OR7G1: variants seen among roughly 807,000 people sequenced by gnomAD.
OR7G1 encodes the protein olfactory receptor 7G1.
For missense variants in OR7G1, 385 were observed against 365.6 expected, an observed-to-expected ratio of 1.05 and a Z score of -0.43; for synonymous variants, 142 against 138.5, an observed-to-expected ratio of 1.02 and a Z score of -0.18.
chr19:9,115,535 T>C lies in OR7G1; in HGVS notation c.229A>G (p.Thr77Ala). ...ATGTTCACTAGGATCTTTGGGACTG[T>C]GGTTGTGGTTAAACAGATGTCAGTA... ...SFTDICLTTT[T>A]VPKILVNIQA... The change falls in exon 1 of 1, where the codon ACA becomes GCA. Residue 77 changes from threonine to alanine, a missense_variant. Thr to Ala is a moderately conservative substitution (Grantham distance 58). Coordinates refer to ENST00000541538, the MANE Select transcript of OR7G1 (RefSeq NM_001005192.2). The C allele has an allele frequency of 6.2e-7, 1 of 1,614,064 alleles. No homozygotes were observed. Among genetic ancestry groups the C allele is most frequent in the Non-Finnish European group, 8.5e-7 (1 of 1,179,956 alleles).
At position 9,115,060 on chromosome 19, in the gene OR7G1, T is replaced by A; in HGVS notation, c.704A>T (p.Tyr235Phe). Reference sequence around the variant, plus strand: ...ACAGCCACAGGTGGAAAACGCTTTATACTTTCCTCTTGCTGATGGCATTCT... The same window carrying A: ...ACAGCCACAGGTGGAAAACGCTTTAAACTTTCCTCTTGCTGATGGCATTCT... Reference protein sequence around the residue: ...VLRMPSARGKYKAFSTCGCHL... With the variant: ...VLRMPSARGKFKAFSTCGCHL... Residue 235 changes from tyrosine to phenylalanine, a missense_variant, in exon 1 of 1, where the codon TAT becomes TTT. Tyr to Phe is a conservative substitution (Grantham distance 22). Coordinates refer to ENST00000541538, the MANE Select transcript of OR7G1 (RefSeq NM_001005192.2). The A allele has an allele frequency of 6.2e-7, 1 of 1,614,112 alleles. No individual in the cohort carries two copies. Among genetic ancestry groups the A allele is most frequent in the Non-Finnish European group, 8.5e-7 (1 of 1,179,928 alleles).
chr19:9,114,938 C>CT lies in OR7G1; in HGVS notation c.825dup (p.Val276SerfsTer20). 2.5e-6 allele frequency: 4 copies of CT among 1,613,554 alleles called. No individual in the cohort carries two copies. The highest frequency in any genetic ancestry group is 3.4e-6 in the Non-Finnish European group (4 of 1,179,522). ...ATTTGAGGGACCACAGTGTACATCA[C>CT]TGAAGCCACAGCAGTAATTCGGGAA... is the stretch of plus-strand genomic sequence containing the variant. On this transcript the variant is annotated frameshift_variant, in exon 1 of 1. Transcript: ENST00000541538. LOFTEE classifies it low-confidence loss of function (END_TRUNC).
Position 9,115,757 on chromosome 19 carries a change from G to C in OR7G1, c.7C>G (p.Pro3Ala), listed in dbSNP as rs750890816. 6.6e-7 allele frequency: 1 copy of C among 1,525,136 alleles called. No individual in the cohort carries two copies. The highest frequency in any genetic ancestry group is 2.3e-5 in the East Asian group (1 of 43,986). 94.5% of individuals were successfully genotyped at this position (1,525,136 alleles called of 1,614,324 possible). A position where few individuals can be genotyped will look rare whatever the true frequency, so the allele number is the denominator to read the frequency against. The change falls in exon 1 of 1, where the codon CCC becomes GCC. Residue 3 changes from proline to alanine, a missense_variant. Transcript: ENST00000541538. Reference sequence around the variant, plus strand: ...TCTGAAACAGCTGTTTGGTTTCTGGGTCCCATGTTTTTGATGATCAAAAAA... The same window carrying C: ...TCTGAAACAGCTGTTTGGTTTCTGGCTCCCATGTTTTTGATGATCAAAAAA... MG[P>A]RNQTAVSEFL...
chr19:9,114,958 C>T lies in OR7G1; in HGVS notation c.806G>A (p.Arg269Gln), dbSNP rs769414989. The change falls in exon 1 of 1, where the codon CGA becomes CAA. Residue 269 changes from arginine to glutamine, a missense_variant. Transcript: ENST00000541538. ...CATCACTGAAGCCACAGCAGTAATT[C>T]GGGAAGACTCAGCAACAGCAGAACT... is the stretch of plus-strand genomic sequence containing the variant. ...YISSAVAESS[R>Q]ITAVASVMYT... 7.9e-5 allele frequency: 127 copies of T among 1,613,966 alleles called. No homozygotes were observed. Among genetic ancestry groups the T allele is most frequent in the Non-Finnish European group, 1.0e-4 (122 of 1,179,914 alleles).
rs751434005 is a variant in OR7G1, at chr19:9,115,711, G to T, written c.53C>A (p.Thr18Lys). 6.4e-7 allele frequency: 1 copy of T among 1,566,116 alleles called. No homozygotes were observed. Among genetic ancestry groups the T allele is most frequent in the Non-Finnish European group, 8.7e-7 (1 of 1,155,122 alleles). Residue 18 changes from threonine (T) to lysine (K), a missense_variant, in exon 1 of 1, where the codon ACA (threonine) becomes AAA (lysine). Coordinates refer to ENST00000541538, the MANE Select transcript of OR7G1 (RefSeq NM_001005192.2). ...GATTAACTTCAGTTCTGGGTCCTCT[G>T]TCACTTTCATGAGAAGAAATTCTGA... The part of the protein sequence containing the change: ...AVSEFLLMKV[T>K]EDPELKLIPF...
Position 9,114,975 on chromosome 19 carries a change from A to G in OR7G1, c.789T>C (p.Ala263=). Reference sequence around the variant, plus strand: ...CAGTAATTCGGGAAGACTCAGCAACAGCAGAACTAATGTACACCCCAAAAG... The same window carrying G: ...CAGTAATTCGGGAAGACTCAGCAACGGCAGAACTAATGTACACCCCAAAAG... The part of the protein sequence containing the change: ...GTAFGVYISS[A]VAESSRITAV... Residue 263 remains alanine, a synonymous_variant, in exon 1 of 1, where the codon GCT becomes GCC. Transcript: ENST00000541538. 1.9e-6 allele frequency: 3 copies of G among 1,614,190 alleles called. No individual in the cohort carries two copies. Among genetic ancestry groups the G allele is most frequent in the Non-Finnish European group, 2.5e-6 (3 of 1,180,030 alleles).
In OR7G1 at chr19:9,115,473, G is replaced by A; in HGVS notation, c.291C>T (p.Cys97=). The change falls in exon 1 of 1, where the codon TGC becomes TGT. Residue 97 remains cysteine, a synonymous_variant. Transcript: ENST00000541538. The part of the protein sequence containing the change: ...AQNQSITYTG[C]LTQICLVLVF... ...CCAAGACAAGACAGATCTGGGTGAG[G>A]CAGCCTGTGTAAGTGATACTCTGAT... The A allele has an allele frequency of 6.2e-7, 1 of 1,614,038 alleles. No homozygotes were observed. Among genetic ancestry groups the A allele is most frequent in the Non-Finnish European group, 8.5e-7 (1 of 1,180,052 alleles).
In OR7G1 at chr19:9,115,179, G is replaced by T; in HGVS notation, c.585C>A (p.Asn195Lys). The T allele has an allele frequency of 1.2e-6, 2 of 1,613,968 alleles. No individual in the cohort carries two copies. Among genetic ancestry groups the T allele is most frequent in the African/African-American group, 1.3e-5 (1 of 75,042 alleles). Residue 195 changes from asparagine (N) to lysine (K), a missense_variant, in exon 1 of 1, where the codon AAC becomes AAA. Coordinates refer to ENST00000541538, the MANE Select transcript of OR7G1 (RefSeq NM_001005192.2). ...IKLACSDTLINNILIYFASSV... is the reference protein window; with the variant it reads ...IKLACSDTLIKNILIYFASSV... ...TACTTGCAAAATATATGAGGATGTT[G>T]TTGATGAGGGTGTCAGAACAGGCGA...
Position 9,115,490 on chromosome 19 carries a change from T to C in OR7G1, c.274A>G (p.Ile92Val), listed in dbSNP as rs1448813134. 6.2e-7 allele frequency: 1 copy of C among 1,614,230 alleles called. No individual in the cohort carries two copies. The highest frequency in any genetic ancestry group is 1.7e-5 in the Admixed American group (1 of 60,022). The change falls in exon 1 of 1, where the codon ATC becomes GTC. Residue 92 changes from isoleucine (I) to valine (V), a missense_variant. By Grantham distance (29) the Ile-to-Val change is conservative (BLOSUM62 3). Transcript: ENST00000541538. Reference sequence around the variant, plus strand: ...TGGGTGAGGCAGCCTGTGTAAGTGATACTCTGATTCTGAGCTTGGATGTTC... The same window carrying C: ...TGGGTGAGGCAGCCTGTGTAAGTGACACTCTGATTCTGAGCTTGGATGTTC... Reference protein sequence around the residue: ...LVNIQAQNQSITYTGCLTQIC... With the variant: ...LVNIQAQNQSVTYTGCLTQIC...
At position 9,115,596 on chromosome 19, in the gene OR7G1, G is replaced by T. The variant is rs776148003; in HGVS notation, c.168C>A (p.His56Gln). The T allele has an allele frequency of 6.2e-7, 1 of 1,614,158 alleles. No homozygotes were observed. The highest frequency in any genetic ancestry group is 8.5e-7 in the Non-Finnish European group (1 of 1,180,018). Residue 56 changes from histidine (H) to glutamine (Q), a missense_variant, in exon 1 of 1, where the codon CAC becomes CAA. Transcript: ENST00000541538. ...TAAAGAGAAGGAAGTACATGGGGGT[G>T]TGGAGGTGGGAGTCAGAGATGACAG... Reference protein sequence around the residue: ...LLAVISDSHLHTPMYFLLFNL... With the variant: ...LLAVISDSHLQTPMYFLLFNL...
In OR7G1 at chr19:9,115,294, A is replaced by G; in HGVS notation, c.470T>C (p.Leu157Pro). ...LSMFMSTMDALVQSLMVLQLS... is the reference protein window; with the variant it reads ...LSMFMSTMDAPVQSLMVLQLS... Reference sequence around the variant, plus strand: ...CTGCAATACCATCAGACTCTGAACCAGGGCATCCATAGTGCTCATGAACAT... The same window carrying G: ...CTGCAATACCATCAGACTCTGAACCGGGGCATCCATAGTGCTCATGAACAT... Residue 157 changes from leucine to proline, a missense_variant, in exon 1 of 1, where the codon CTG becomes CCG. Leu to Pro is a moderately conservative substitution (Grantham distance 98, BLOSUM62 -3). Coordinates refer to ENST00000541538, the MANE Select transcript of OR7G1 (RefSeq NM_001005192.2). 6.2e-7 allele frequency: 1 copy of G among 1,614,160 alleles called. No individual in the cohort carries two copies. Among genetic ancestry groups the G allele is most frequent in the Non-Finnish European group, 8.5e-7 (1 of 1,179,988 alleles).
rs756539891 is a variant in OR7G1, at chr19:9,115,011, G to T, written c.753C>A (p.Phe251Leu). Residue 251 changes from phenylalanine to leucine, a missense_variant, in exon 1 of 1, where the codon TTC (phenylalanine) becomes TTA (leucine). Phe to Leu is a conservative substitution (Grantham distance 22). Transcript: ENST00000541538. Reference sequence around the variant, plus strand: ...TGTACACCCCAAAAGCTGTCCCATAGAACAAGGAAAAAACAGAGAGGTGAC... The same window carrying T: ...TGTACACCCCAAAAGCTGTCCCATATAACAAGGAAAAAACAGAGAGGTGAC... ...CGCHLSVFSL[F>L]YGTAFGVYIS... 3.1e-6 allele frequency: 5 copies of T among 1,613,904 alleles called. No homozygotes were observed. In the South Asian group the frequency reaches 5.5e-5, roughly 18 times the overall value.
Position 9,115,167 on chromosome 19 carries a change from T to C in OR7G1, c.597A>G (p.Ile199Met), listed in dbSNP as rs761560316. 6 of 1,613,988 alleles carry C rather than the reference T, an allele frequency of 3.7e-6. No homozygotes were observed. The highest frequency in any genetic ancestry group is 4.5e-5 in the East Asian group (2 of 44,886). ...CACCAAATACACTACTTGCAAAATA[T>C]ATGAGGATGTTGTTGATGAGGGTGT... The part of the protein sequence containing the change: ...CSDTLINNIL[I>M]YFASSVFGAI... Residue 199 changes from isoleucine to methionine, a missense_variant, in exon 1 of 1, where the codon ATA (isoleucine) becomes ATG (methionine). Transcript: ENST00000541538.
In OR7G1 at chr19:9,115,463, T is replaced by G; in HGVS notation, c.301A>C (p.Ile101Leu). Reference sequence around the variant, plus strand: ...CCAGCAAAAACCAAGACAAGACAGATCTGGGTGAGGCAGCCTGTGTAAGTG... The same window carrying G: ...CCAGCAAAAACCAAGACAAGACAGAGCTGGGTGAGGCAGCCTGTGTAAGTG... ...SITYTGCLTQ[I>L]CLVLVFAGLE... The change falls in exon 1 of 1, where the codon ATC (isoleucine) becomes CTC (leucine). Residue 101 changes from isoleucine (I) to leucine (L), a missense_variant. Transcript: ENST00000541538. 1 of 1,614,008 alleles carries G rather than the reference T, an allele frequency of 6.2e-7. No individual in the cohort carries two copies. Among genetic ancestry groups the G allele is most frequent in the Non-Finnish European group, 8.5e-7 (1 of 1,180,024 alleles).
rs1340112729 is a variant in OR7G1, at chr19:9,115,397, A to G, written c.367T>C (p.Tyr123His). 5.0e-6 allele frequency: 8 copies of G among 1,614,214 alleles called. No individual in the cohort carries two copies. The South Asian group carries it at 7.7e-5, about 16-fold the overall frequency. Reference sequence around the variant, plus strand: ...CTCAGTGGGTGGCAAATGGCCACATAGCGGTCGTAGGCCATGACTGCAAGA... The same window carrying G: ...CTCAGTGGGTGGCAAATGGCCACATGGCGGTCGTAGGCCATGACTGCAAGA... ...CFLAVMAYDRYVAICHPLRYT... is the reference protein window; with the variant it reads ...CFLAVMAYDRHVAICHPLRYT... Residue 123 changes from tyrosine (Y) to histidine (H), a missense_variant, in exon 1 of 1, where the codon TAT becomes CAT. Tyr to His is a moderately conservative substitution (Grantham distance 83). Transcript: ENST00000541538.
chr19:9,115,533 T>C lies in OR7G1; in HGVS notation c.231A>G (p.Thr77=). 2 of 1,614,100 alleles carry C rather than the reference T, an allele frequency of 1.2e-6. No homozygotes were observed. The highest frequency in any genetic ancestry group is 1.7e-6 in the Non-Finnish European group (2 of 1,179,956). ...GGATGTTCACTAGGATCTTTGGGACTGTGGTTGTGGTTAAACAGATGTCAG... is the reference window on the plus strand; with the variant it reads ...GGATGTTCACTAGGATCTTTGGGACCGTGGTTGTGGTTAAACAGATGTCAG... ...SFTDICLTTT[T]VPKILVNIQA... Residue 77 remains threonine, a synonymous_variant, in exon 1 of 1, where the codon ACA becomes ACG. Transcript: ENST00000541538.
chr19:9,115,363 A>G lies in OR7G1; in HGVS notation c.401T>C (p.Val134Ala), dbSNP rs950993891. 6.2e-7 allele frequency: 1 copy of G among 1,614,158 alleles called. No homozygotes were observed. Among genetic ancestry groups the G allele is most frequent in the Non-Finnish European group, 8.5e-7 (1 of 1,180,016 alleles). ...GCCCCAGAAATGGACATTCATGAGG[A>G]CTGTGTACCTCAGTGGGTGGCAAAT... The part of the protein sequence containing the change: ...VAICHPLRYT[V>A]LMNVHFWGLL... The change falls in exon 1 of 1, where the codon GTC (valine) becomes GCC (alanine). Residue 134 changes from valine to alanine, a missense_variant. Coordinates refer to ENST00000541538, the MANE Select transcript of OR7G1 (RefSeq NM_001005192.2).
At position 9,114,923 on chromosome 19, in the gene OR7G1, C is replaced by T; in HGVS notation, c.841G>A (p.Val281Ile). 1 of 1,613,730 alleles carries T rather than the reference C, an allele frequency of 6.2e-7. No homozygotes were observed. The highest frequency in any genetic ancestry group is 8.5e-7 in the Non-Finnish European group (1 of 1,179,712). The change falls in exon 1 of 1, where the codon GTC becomes ATC. Residue 281 changes from valine to isoleucine, a missense_variant. Coordinates refer to ENST00000541538, the MANE Select transcript of OR7G1 (RefSeq NM_001005192.2). Reference protein sequence around the residue: ...TAVASVMYTVVPQMMNPFIYS... With the variant: ...TAVASVMYTVIPQMMNPFIYS... ...ATGAAGGGGTTCATCATTTGAGGGACCACAGTGTACATCACTGAAGCCACA... is the reference window on the plus strand; with the variant it reads ...ATGAAGGGGTTCATCATTTGAGGGATCACAGTGTACATCACTGAAGCCACA...
In OR7G1 at chr19:9,115,192, T is replaced by C. The variant is rs767531235; in HGVS notation, c.572A>G (p.Asp191Gly). ...VVQVIKLACS[D>G]TLINNILIYF... Reference sequence around the variant, plus strand: ...TATGAGGATGTTGTTGATGAGGGTGTCAGAACAGGCGAGCTTGATGACCTG... The same window carrying C: ...TATGAGGATGTTGTTGATGAGGGTGCCAGAACAGGCGAGCTTGATGACCTG... Residue 191 changes from aspartate (D) to glycine (G), a missense_variant, in exon 1 of 1, where the codon GAC becomes GGC. By Grantham distance (94) the Asp-to-Gly change is moderately conservative. Coordinates refer to ENST00000541538, the MANE Select transcript of OR7G1 (RefSeq NM_001005192.2). 2 of 1,614,086 alleles carry C rather than the reference T, an allele frequency of 1.2e-6. No individual in the cohort carries two copies. The highest frequency in any genetic ancestry group is 2.2e-5 in the East Asian group (1 of 44,880).
Sources: allele counts gnomAD v4.1 joint callset, GRCh38; gene constraint gnomAD v4.1.1; transcripts MANE v1.5; gene names NCBI Gene and HGNC (gene_info 2026-07-23, HGNC 2026-07-21).